The following IL22RA2 variants were observed in gnomAD, a reference collection of about 807,000 sequenced individuals.
The protein encoded by IL22RA2 is interleukin 22 receptor subunit alpha 2, also known as interleukin-22 receptor subunit alpha-2.
Under a neutral mutation model 30.7 loss-of-function variants are expected in IL22RA2, and 39 were observed. The observed-to-expected ratio is 1.27, with a 90% CI of 0.98 to 1.66. The LOEUF (loss-of-function observed/expected upper bound fraction) is 1.66. IL22RA2 is among the 40% of genes most tolerant of loss of function. IL22RA2 has a pLI of 0.00. For missense variants in IL22RA2, 315 were observed against 312.7 expected, an observed-to-expected ratio of 1.01 and a Z score of -0.05; for synonymous variants, 103 against 105.0, an observed-to-expected ratio of 0.98 and a Z score of 0.11.
intron 1 of IL22RA2, among the ~76,000 whole-genome samples, chr6:137,165,251 G>A (rs556971459): frequency 1.8e-4 from 27 of 152,312 alleles, no homozygotes; most frequent in African/African-American, 5.1e-4. Context: ...TAAAAGTCCC[G>A]GTGAATTTTA....
At position 137,145,387 on chromosome 6, in the gene IL22RA2, A is replaced by T. The variant is rs952689410; in HGVS notation, c.*237T>A. 3.1e-5 allele frequency: 12 copies of T among 384,170 alleles called. No homozygotes were observed. In the Admixed American group the frequency reaches 4.8e-4, roughly 15 times the overall value. The allele number at this position is 384,170 out of a possible 1,614,324, so 23.8% of individuals were successfully genotyped here. On this transcript the variant is annotated 3_prime_UTR_variant, in exon 7 of 7. Transcript: ENST00000296980. ...AGTTCTGAATTTCATAGAACACTTT[A>T]TTCTCTGCCTCATCTTTACATTTCA...
chr6:137,162,538 C>T (rs1009198027), intron 1 of IL22RA2, among the ~76,000 whole-genome samples: 3 of 152,216 alleles, frequency 2.0e-5, no homozygotes, highest in South Asian at 2.1e-4. Flanking sequence ...TTTTGAGCTA[C>T]ATTAGATCTT....
intron 1 of IL22RA2, among the ~76,000 whole-genome samples, chr6:137,163,407 C>T (rs112830253): frequency 3.9e-5 from 6 of 152,276 alleles, no homozygotes; most frequent in Non-Finnish European, 5.9e-5. Context: ...GGCAGATTTT[C>T]GTCTCCTTTG....
At position 137,159,042 on chromosome 6, in the gene IL22RA2, A is replaced by T. The variant is rs573289945; in HGVS notation, c.62-560T>A. Among the ~76,000 whole-genome samples the T allele has an allele frequency of 9.8e-5, 15 of 152,314 alleles. No homozygotes were observed. In the South Asian group the frequency reaches 3.1e-3, roughly 32 times the overall value. ...TTTACCTGCCTGCATCCTGGCTCCA[A>T]GTATCCAAGCATAATCCCTCAGATG... On this transcript the variant is annotated intron_variant, in intron 2 of 6. Transcript: ENST00000296980.
intron 5 of IL22RA2, among the ~76,000 whole-genome samples, chr6:137,151,315 G>A (rs774546154): frequency 5.5e-4 from 84 of 151,908 alleles, no homozygotes; most frequent in Non-Finnish European, 1.1e-3. Context: ...ACTCTCAATG[G>A]GATAATTTTC....
At chr6:137,163,455 G>T (rs28741413) in intron 1 of IL22RA2, among the ~76,000 whole-genome samples, 4 of 152,108 alleles carry the variant, frequency 2.6e-5, no homozygotes, top group Non-Finnish European at 5.9e-5. Flanking sequence ...GAAATCTGGG[G>T]TCCTTGGTGC....
At chr6:137,169,306 C>T (rs1297286975) in intron 1 of IL22RA2, among the ~76,000 whole-genome samples, 8 of 152,046 alleles carry the variant, frequency 5.3e-5, no homozygotes, top group Admixed American at 5.2e-4. Context: ...TTTGCAGTTC[C>T]CAACACTAAA....
intron 4 of IL22RA2, 84 bp from the exon 5 acceptor site, chr6:137,155,203 A>T: frequency 2.0e-6 from 2 of 999,468 alleles, no homozygotes; most frequent in Non-Finnish European, 2.9e-6. Context: ...AATTTTTTAT[A>T]CCTGATTCTA....
chr6:137,171,758 A>G (rs1187820068), intron 1 of IL22RA2, among the ~76,000 whole-genome samples: 1 of 152,238 alleles, frequency 6.6e-6, no homozygotes, highest in Non-Finnish European at 1.5e-5. Flanking sequence ...CCAGGCCACT[A>G]TCAATTTTCA....
chr6:137,161,773 C>T lies in IL22RA2; in HGVS notation c.-24G>A, dbSNP rs1001555617. Reference sequence around the variant, plus strand: ...ATGGTTGCAAGTGTGACTGTTCAGGCAACCAGTGTTCCTTTTAACCAGCTC... The same window carrying T: ...ATGGTTGCAAGTGTGACTGTTCAGGTAACCAGTGTTCCTTTTAACCAGCTC... On this transcript the variant is annotated 5_prime_UTR_variant, in exon 2 of 7. Transcript: ENST00000296980. 1.2e-6 allele frequency: 2 copies of T among 1,603,774 alleles called. No individual in the cohort carries two copies. Among genetic ancestry groups the T allele is most frequent in the African/African-American group, 2.7e-5 (2 of 74,624 alleles).
At chr6:137,161,891 G>C in intron 1 of IL22RA2, 77 bp from the exon 2 acceptor site, 1 of 551,992 alleles carries the variant, frequency 1.8e-6, no homozygotes. Flanking sequence ...ATTTTATTTT[G>C]ATACTACATT....
chr6:137,155,037 C>G lies in IL22RA2; in HGVS notation c.376G>C (p.Asp126His). The G allele has an allele frequency of 5.0e-6, 8 of 1,613,944 alleles. No individual in the cohort carries two copies. Among genetic ancestry groups the G allele is most frequent in the Non-Finnish European group, 6.8e-6 (8 of 1,179,852 alleles). Reference sequence around the variant, plus strand: ...CTCCCGTAATAAGGTTCCTGTATGTCTGAGGTTTCACTGGTAAGGTCACAA... The same window carrying G: ...CTCCCGTAATAAGGTTCCTGTATGTGTGAGGTTTCACTGGTAAGGTCACAA... ...LSCDLTSETS[D>H]IQEPYYGRVR... Residue 126 changes from aspartate to histidine, a missense_variant, in exon 5 of 7, where the codon GAC (aspartate) becomes CAC (histidine). Physicochemically the swap from Asp to His is moderately conservative, Grantham distance 81. Coordinates refer to ENST00000296980, the MANE Select transcript of IL22RA2 (RefSeq NM_052962.3).
intron 3 of IL22RA2, among the ~76,000 whole-genome samples, chr6:137,157,327 C>G (rs988894007): frequency 5.3e-5 from 8 of 152,134 alleles, no homozygotes; most frequent in Non-Finnish European, 1.0e-4. Context: ...TCTTTACTTT[C>G]TGCATGCTGA....
intron 3 of IL22RA2, among the ~76,000 whole-genome samples, chr6:137,157,231 C>T (rs1026067987): frequency 6.6e-6 from 1 of 152,096 alleles, no homozygotes; most frequent in Non-Finnish European, 1.5e-5. Context: ...AAAACAGTTT[C>T]TAATCTTCTT....
intron 1 of IL22RA2, among the ~76,000 whole-genome samples, chr6:137,163,396 T>C (rs546874525): frequency 6.6e-6 from 1 of 152,154 alleles, no homozygotes; most frequent in Non-Finnish European, 1.5e-5. Context: ...GGATTGGAGA[T>C]GGCAGATTTT....
intron 6 of IL22RA2, 124 bp downstream of exon 6, chr6:137,147,597 GA>G (rs1778207238): frequency 7.6e-6 from 6 of 793,028 alleles, no homozygotes; most frequent in Non-Finnish European, 1.1e-5. Context: ...AGAGTAAGAA[GA>G]AATTAAAGAT....
At chr6:137,164,341 C>T (rs771940481) in intron 1 of IL22RA2, among the ~76,000 whole-genome samples, 16 of 152,176 alleles carry the variant, frequency 1.1e-4, no homozygotes, top group African/African-American at 2.4e-4. Flanking sequence ...GATCAGTTTC[C>T]GTATATTGAC....
chr6:137,154,181 C>T (rs1237582905), intron 5 of IL22RA2, among the ~76,000 whole-genome samples: 2 of 152,154 alleles, frequency 1.3e-5, no homozygotes, highest in Non-Finnish European at 1.5e-5. Flanking sequence ...TGAGAAAGCA[C>T]TTTTGGTCTG....
chr6:137,154,270 C>T (rs2114363838), intron 5 of IL22RA2, among the ~76,000 whole-genome samples: 1 of 152,186 alleles, frequency 6.6e-6, no homozygotes, highest in South Asian at 2.1e-4. Flanking sequence ...GAACTTAACC[C>T]TCGTGTTTGG....
Sources: allele counts gnomAD v4.1 joint callset (sites outside exome capture counted in the v4.1 genomes callset), GRCh38; gene constraint gnomAD v4.1.1; transcripts MANE v1.5; gene names NCBI Gene and HGNC (gene_info 2026-07-23, HGNC 2026-07-21).